Variants in TRMU observed in about 807,000 individuals in gnomAD.
TRMU encodes the protein tRNA mitochondrial 2-thiouridylase, also known as mitochondrial tRNA-specific 2-thiouridylase 1.
In TRMU, 49 loss-of-function variants were observed where a neutral mutation model predicts 46.9. That is an observed-to-expected ratio of 1.05 (90% CI 0.83 to 1.33). The LOEUF (loss-of-function observed/expected upper bound fraction) is 1.33, where lower values mean the gene tolerates loss of function less well. Among genes scored for constraint, TRMU ranks in the 40% most tolerant of loss-of-function variants. The pLI, the probability that TRMU is intolerant of heterozygous loss-of-function variation, is 0.00. For missense variants in TRMU, 572 were observed against 532.4 expected (o/e 1.07, Z -0.73); for synonymous variants, 241 against 200.9 (o/e 1.20, Z -1.69).
rs1366788023 is a variant in TRMU, at chr22:46,347,205, C to T, written c.478+661C>T. Among the ~76,000 whole-genome samples the T allele has an allele frequency of 3.9e-5, 6 of 152,040 alleles. No individual in the cohort carries two copies. The highest frequency in any genetic ancestry group is 8.8e-5 in the Non-Finnish European group (6 of 68,030). ...CGTGTTTCCGCACGGAGCGTCCGTC[C>T]ATCAGTGGGGACCCCTGAAGGGCAG... On this transcript the variant is annotated intron_variant, in intron 4 of 10. Transcript: ENST00000645190. This position sits in a 1 kb window ranked among gnomAD's most constrained non-coding sequence, Gnocchi z 5.0.
chr22:46,355,677 T>A (rs949928332), intron 9 of TRMU, 89 bp downstream of exon 9: 1 of 1,597,412 alleles, frequency 6.3e-7, no homozygotes, highest in African/African-American at 1.3e-5. Context: ...GACCCTGGGG[T>A]AGGAAAGTCC....
chr22:46,357,158 G>T lies in TRMU; in HGVS notation c.*152G>T. The T allele has an allele frequency of 9.7e-7, 1 of 1,036,230 alleles. No individual in the cohort carries two copies. Among genetic ancestry groups the T allele is most frequent in the Non-Finnish European group, 1.4e-6 (1 of 699,316 alleles). The allele number at this position is 1,036,230 out of a possible 1,614,324, so 64.2% of individuals were successfully genotyped here. A position where few individuals can be genotyped will look rare whatever the true frequency, so the allele number is the denominator to read the frequency against. The stretch of plus-strand genomic sequence containing the variant: ...TCCGAAAAGCCTGCAGGGGCCCGGC[G>T]AGCCCCAGGAAGAGCCTCAGCTCCA... On this transcript the variant is annotated 3_prime_UTR_variant, in exon 11 of 11. Transcript: ENST00000645190.
chr22:46,353,750 A>G lies in TRMU; in HGVS notation c.773-17A>G. ...TAACTTGTTGCCCAGCCTCATGGAG[A>G]AACTGTCTTTCTGTAGGTTGGTTCC... On this transcript the variant is annotated splice_polypyrimidine_tract_variant and intron_variant, in intron 7 of 10. Coordinates refer to ENST00000645190, the MANE Select transcript of TRMU (RefSeq NM_018006.5). 6.2e-7 allele frequency: 1 copy of G among 1,612,574 alleles called. No individual in the cohort carries two copies. The highest frequency in any genetic ancestry group is 8.5e-7 in the Non-Finnish European group (1 of 1,178,868).
chr22:46,353,814 AGAGAGCCCTG>A lies in TRMU; in HGVS notation c.822_831del (p.Arg274SerfsTer29). The stretch of plus-strand genomic sequence containing the variant: ...CCAGAGAGCAAACATAGGTGGCCTG[AGAGAGCCCTG>A]GTACGTGGTGGAGAAGGACAGCGTC... On this transcript the variant is annotated frameshift_variant, in exon 8 of 11. Transcript: ENST00000645190. LOFTEE classifies it high-confidence loss of function. 1 of 1,613,998 alleles carries A rather than the reference AGAGAGCCCTG, an allele frequency of 6.2e-7. No homozygotes were observed. Among genetic ancestry groups the A allele is most frequent in the Non-Finnish European group, 8.5e-7 (1 of 1,179,892 alleles).
In TRMU at chr22:46,357,008, A is replaced by C. The variant is rs1386608567; in HGVS notation, c.*2A>C. 1 of 1,613,474 alleles carries C rather than the reference A, an allele frequency of 6.2e-7. No individual in the cohort carries two copies. Among genetic ancestry groups the C allele is most frequent in the South Asian group, 1.1e-5 (1 of 91,086 alleles). On this transcript the variant is annotated 3_prime_UTR_variant, in exon 11 of 11. Transcript: ENST00000645190. ...CCAGGCCTGAGTCCCTTGCTCTGACAGAGATGGATCTGCTAGAAGGAACCT... is the reference window on the plus strand; with the variant it reads ...CCAGGCCTGAGTCCCTTGCTCTGACCGAGATGGATCTGCTAGAAGGAACCT...
At position 46,348,802 on chromosome 22, in the gene TRMU, A is replaced by G. The variant is rs2078327035; in HGVS notation, c.479-1489A>G. ...GCTCCTAGTTTTCTGAGGCTTTTAC[A>G]CACATGCAGTGTTTGACTGCAGTTA... On this transcript the variant is annotated intron_variant, in intron 4 of 10. Coordinates refer to ENST00000645190, the MANE Select transcript of TRMU (RefSeq NM_018006.5). The surrounding 1 kb of genome is among the most constrained non-coding windows in gnomAD (Gnocchi z 4.8). Among the ~76,000 whole-genome samples, 1 of 152,194 alleles carries G rather than the reference A, an allele frequency of 6.6e-6. No individual in the cohort carries two copies. The highest frequency in any genetic ancestry group is 1.5e-5 in the Non-Finnish European group (1 of 68,026).
Position 46,350,592 on chromosome 22 carries a change from G to A in TRMU, c.651+129G>A. On this transcript the variant is annotated intron_variant, in intron 5 of 10. Transcript: ENST00000645190. This position sits in a 1 kb window ranked among gnomAD's most constrained non-coding sequence, Gnocchi z 4.6. ...GGACCTAACATCAAAGGCGGGCCTT[G>A]GAGCAATAGATGGAGGAGTTTGCTG... The A allele has an allele frequency of 2.5e-6, 3 of 1,188,806 alleles. No homozygotes were observed. The South Asian group carries it at 3.8e-5, about 15-fold the overall frequency. The allele number at this position is 1,188,806 out of a possible 1,614,324, so 73.6% of individuals were successfully genotyped here.
At position 46,352,156 on chromosome 22, in the gene TRMU, T is replaced by A; in HGVS notation, c.687T>A (p.Phe229Leu). The A allele has an allele frequency of 6.2e-7, 1 of 1,614,110 alleles. No individual in the cohort carries two copies. Among genetic ancestry groups the A allele is most frequent in the Non-Finnish European group, 8.5e-7 (1 of 1,180,022 alleles). The change falls in exon 6 of 11, where the codon TTT becomes TTA. Residue 229 changes from phenylalanine to leucine, a missense_variant. Phe to Leu is a conservative substitution (Grantham distance 22, BLOSUM62 0). Transcript: ENST00000645190. Reference protein sequence around the residue: ...MGMCFIGKRNFEHFLLQYLQP... With the variant: ...MGMCFIGKRNLEHFLLQYLQP... ...TGTGTTTCATCGGGAAGAGGAATTTTGAACATTTCCTTCTTCAGGTGCGTG... is the reference window on the plus strand; with the variant it reads ...TGTGTTTCATCGGGAAGAGGAATTTAGAACATTTCCTTCTTCAGGTGCGTG...
chr22:46,353,551 C>T, intron 7 of TRMU: 1 of 490,792 alleles, frequency 2.0e-6, no homozygotes, highest in South Asian at 1.9e-5. Context: ...GTGGCCACCA[C>T]ACCCCATGTC....
intron 1 of TRMU, 60 bp from the exon 2 acceptor site, chr22:46,337,719 A>G: frequency 6.2e-7 from 1 of 1,603,034 alleles, no homozygotes; most frequent in Non-Finnish European, 8.5e-7. Context: ...CTCAGAAATC[A>G]CTGCCGTTTT....
intron 3 of TRMU, among the ~76,000 whole-genome samples, chr22:46,343,653 A>T (rs2078180535): frequency 6.6e-6 from 1 of 152,194 alleles, no homozygotes; most frequent in Non-Finnish European, 1.5e-5. Context: ...TGAGATTACA[A>T]GCGTGAGCCC....
intron 10 of TRMU, 35 bp downstream of exon 10, chr22:46,356,107 T>C (rs779871719): frequency 1.1e-5 from 18 of 1,611,294 alleles, no homozygotes; most frequent in Non-Finnish European, 1.4e-5. Flanking sequence ...CGGGGAGGAC[T>C]GTACTGCTCT....
rs1342904392 is a variant in TRMU, at chr22:46,349,279, C to G, written c.479-1012C>G. The stretch of plus-strand genomic sequence containing the variant: ...GGGGACTCGGGAGGCTGGGCAGCCT[C>G]CAGCCCCACCGCCTCCACCTGCATC... On this transcript the variant is annotated intron_variant, in intron 4 of 10. Coordinates refer to ENST00000645190, the MANE Select transcript of TRMU (RefSeq NM_018006.5). The surrounding 1 kb of genome is among the most constrained non-coding windows in gnomAD (Gnocchi z 4.6). Among the ~76,000 whole-genome samples, 2 of 152,178 alleles carry G rather than the reference C, an allele frequency of 1.3e-5. No homozygotes were observed. The highest frequency in any genetic ancestry group is 4.8e-5 in the African/African-American group (2 of 41,454).
chr22:46,344,073 C>T (rs1368879964), intron 3 of TRMU, among the ~76,000 whole-genome samples: 2 of 152,158 alleles, frequency 1.3e-5, no homozygotes, highest in African/African-American at 4.8e-5. Flanking sequence ...CAACATTGGG[C>T]TAACACCAAA....
chr22:46,350,625 C>T lies in TRMU; in HGVS notation c.651+162C>T, dbSNP rs1297778683. ...AGATGGAGGAGTTTGCTGAGGCGCA[C>T]GGTACAGGGCTCTGCTGACATCGGG... is the stretch of plus-strand genomic sequence containing the variant. On this transcript the variant is annotated intron_variant, in intron 5 of 10. Coordinates refer to ENST00000645190, the MANE Select transcript of TRMU (RefSeq NM_018006.5). This position sits in a 1 kb window ranked among gnomAD's most constrained non-coding sequence, Gnocchi z 4.6. Among the ~76,000 whole-genome samples, 2 of 152,220 alleles carry T rather than the reference C, an allele frequency of 1.3e-5. No homozygotes were observed. The highest frequency in any genetic ancestry group is 6.5e-5 in the Admixed American group (1 of 15,282).
At chr22:46,352,221 C>G in intron 6 of TRMU, 43 bp from the exon 7 acceptor site, 1 of 1,614,150 alleles carries the variant, frequency 6.2e-7, no homozygotes, top group Non-Finnish European at 8.5e-7. Context: ...CGTGTCTGCC[C>G]TGGGCCTAGA....
chr22:46,346,684 GA>G, intron 4 of TRMU, 140 bp downstream of exon 4: 1 of 1,084,534 alleles, frequency 9.2e-7, no homozygotes, highest in Non-Finnish European at 1.3e-6. Flanking sequence ...ATTCACATTT[GA>G]AAAGGTGCAG....
In TRMU at chr22:46,355,502, A is replaced by C; in HGVS notation, c.932A>C (p.His311Pro). The C allele has an allele frequency of 6.2e-7, 1 of 1,613,232 alleles. No individual in the cohort carries two copies. The highest frequency in any genetic ancestry group is 1.7e-5 in the Admixed American group (1 of 60,022). ...YRDLLRTSRV[H>P]WIAEEPPAAL... ...GACCTGCTGAGGACCAGCCGCGTGC[A>C]CTGGATTGCGGAGGAGCCTCCCGCA... Residue 311 changes from histidine (H) to proline (P), a missense_variant, in exon 9 of 11, where the codon CAC (histidine) becomes CCC (proline). Transcript: ENST00000645190.
At position 46,355,536 on chromosome 22, in the gene TRMU, C is replaced by T; in HGVS notation, c.966C>T (p.Val322=). 1 of 1,613,290 alleles carries T rather than the reference C, an allele frequency of 6.2e-7. No homozygotes were observed. Among genetic ancestry groups the T allele is most frequent in the African/African-American group, 1.3e-5 (1 of 75,066 alleles). The part of the protein sequence containing the change: ...WIAEEPPAAL[V]RDKMMECHFR... ...CGGAGGAGCCTCCCGCAGCACTGGT[C>T]CGGGACAAGATGATGGAGTGCCACT... The change falls in exon 9 of 11, where the codon GTC becomes GTT. Residue 322 remains valine (V), a synonymous_variant. Transcript: ENST00000645190.
Sources: allele counts gnomAD v4.1 joint callset (sites outside exome capture counted in the v4.1 genomes callset), GRCh38; gene constraint gnomAD v4.1.1; non-coding constraint Gnocchi (gnomAD v3.1); transcripts MANE v1.5; gene names NCBI Gene and HGNC (gene_info 2026-07-23, HGNC 2026-07-21).